The following NOVA1 variants were observed in gnomAD, a reference collection of about 807,000 sequenced individuals.
NOVA1 encodes the protein NOVA alternative splicing regulator 1, also known as RNA-binding protein Nova-1.
NOVA1 carries 7 observed loss-of-function variants against 38.0 expected under a neutral mutation model. The ratio of observed to expected loss-of-function variants is 0.18; its 90% CI spans 0.10 to 0.35. The LOEUF (loss-of-function observed/expected upper bound fraction) is 0.35, where lower values mean the gene tolerates loss of function less well. Ranked by LOEUF, NOVA1 falls within the 10% of genes least tolerant of loss-of-function variation. NOVA1 has a pLI of 1.00. For synonymous variants in NOVA1, 270 were observed against 232.5 expected (o/e 1.16, Z -1.47); for missense variants, 460 against 616.0 (o/e 0.75, Z 2.68).
chr14:26,459,968 T>C (rs1032661917), intron 4 of NOVA1, among the ~76,000 whole-genome samples: 4 of 152,038 alleles, frequency 2.6e-5, no homozygotes, highest in Non-Finnish European at 4.4e-5. Flanking sequence ...TTTGAAATGA[T>C]TTATTAAATT....
At chr14:26,569,656 A>G (rs1892349309) in intron 2 of NOVA1, among the ~76,000 whole-genome samples, 1 of 152,170 alleles carries the variant, frequency 6.6e-6, no homozygotes, top group South Asian at 2.1e-4. Flanking sequence ...TATATATACA[A>G]TTTATCAAAA....
intron 2 of NOVA1, among the ~76,000 whole-genome samples, chr14:26,504,231 T>C (rs1000571200): frequency 2.6e-5 from 4 of 152,182 alleles, no homozygotes; most frequent in African/African-American, 7.2e-5. Flanking sequence ...AACTTTACTA[T>C]GTAGCGTACA....
At chr14:26,489,548 T>C (rs886868755) in intron 2 of NOVA1, among the ~76,000 whole-genome samples, 20 of 151,808 alleles carry the variant, frequency 1.3e-4, no homozygotes, top group African/African-American at 4.3e-4. Flanking sequence ...TAATTTTTTA[T>C]AGTTTTAGGA....
At chr14:26,520,322 G>T (rs1329111841) in intron 2 of NOVA1, among the ~76,000 whole-genome samples, 1 of 152,160 alleles carries the variant, frequency 6.6e-6, no homozygotes, top group Non-Finnish European at 1.5e-5. Flanking sequence ...CCCCAGGGTG[G>T]ACTGGGGGAC....
At chr14:26,489,105 C>A (rs1313459380) in intron 2 of NOVA1, among the ~76,000 whole-genome samples, 1 of 151,876 alleles carries the variant, frequency 6.6e-6, no homozygotes, top group Non-Finnish European at 1.5e-5. Flanking sequence ...GAGATGAGAG[C>A]AAGAAAATTA....
At chr14:26,562,734 G>A (rs1891901006) in intron 2 of NOVA1, among the ~76,000 whole-genome samples, 1 of 152,128 alleles carries the variant, frequency 6.6e-6, no homozygotes, top group Non-Finnish European at 1.5e-5. Flanking sequence ...TGAATACTGA[G>A]GGAACTCTAA....
At chr14:26,486,537 G>A (rs1356302652) in intron 2 of NOVA1, among the ~76,000 whole-genome samples, 7 of 151,140 alleles carry the variant, frequency 4.6e-5, no homozygotes, top group Non-Finnish European at 8.9e-5. Flanking sequence ...GTGAAACCCC[G>A]TCTCCACTAA....
At chr14:26,472,694 C>T (rs1012690103) in intron 3 of NOVA1, among the ~76,000 whole-genome samples, 2 of 151,532 alleles carry the variant, frequency 1.3e-5, no homozygotes, top group African/African-American at 4.9e-5. Context: ...TCATTTCTTT[C>T]CCTCTTGTTT....
chr14:26,511,353 T>C (rs951555076), intron 2 of NOVA1, among the ~76,000 whole-genome samples: 1 of 152,246 alleles, frequency 6.6e-6, no homozygotes, highest in African/African-American at 2.4e-5. Context: ...ATTTTTCATA[T>C]TAACCTAAAA....
Position 26,446,505 on chromosome 14 carries a change from T to C in NOVA1, c.*1454A>G, listed in dbSNP as rs187430450. 1 of 152,848 alleles carries C rather than the reference T, an allele frequency of 6.5e-6. No individual in the cohort carries two copies. The highest frequency in any genetic ancestry group is 6.5e-5 in the Admixed American group (1 of 15,308). 9.5% of individuals were successfully genotyped at this position (152,848 alleles called of 1,614,324 possible). A position where few individuals can be genotyped will look rare whatever the true frequency, so the allele number is the denominator to read the frequency against. ...AGATGGAAGTAATTCTCTTTTGTAA[T>C]TCAGTTGCTCAGCCAGATGATCCAG... On this transcript the variant is annotated 3_prime_UTR_variant, in exon 5 of 5. Transcript: ENST00000539517.
intron 4 of NOVA1, among the ~76,000 whole-genome samples, chr14:26,458,776 CA>C (rs1266371687): frequency 2.0e-5 from 3 of 151,774 alleles, no homozygotes; most frequent in Non-Finnish European, 2.9e-5. Context: ...ATTACCCATG[CA>C]AAAAACCTGT....
intron 2 of NOVA1, among the ~76,000 whole-genome samples, chr14:26,581,557 C>CTA (rs761381244): frequency 1.1e-4 from 16 of 151,810 alleles, no homozygotes; most frequent in Non-Finnish European, 2.1e-4. Flanking sequence ...TATCAAGGTT[C>CTA]TATATATATA....
intron 2 of NOVA1, among the ~76,000 whole-genome samples, chr14:26,537,245 G>A (rs1890164045): frequency 6.6e-6 from 1 of 151,638 alleles, no homozygotes; most frequent in African/African-American, 2.4e-5. Flanking sequence ...ATTTAAACAT[G>A]CACATGGTAA....
intron 2 of NOVA1, among the ~76,000 whole-genome samples, chr14:26,582,190 A>G (rs191865241): frequency 1.4e-4 from 22 of 151,884 alleles, no homozygotes; most frequent in Admixed American, 1.4e-3. Context: ...CCAAACCCGA[A>G]ATTGTACTTA....
intron 2 of NOVA1, among the ~76,000 whole-genome samples, chr14:26,579,364 T>C (rs920580722): frequency 4.5e-4 from 68 of 152,288 alleles, no homozygotes; most frequent in Non-Finnish European, 8.8e-5. Context: ...CATCGTATTC[T>C]TATATATTCA....
intron 2 of NOVA1, among the ~76,000 whole-genome samples, chr14:26,540,731 A>T (rs1890415805): frequency 6.6e-6 from 1 of 152,194 alleles, no homozygotes; most frequent in African/African-American, 2.4e-5. Flanking sequence ...TGTGGCACTG[A>T]TCTGACTTTC....
chr14:26,507,157 C>T (rs939920121), intron 2 of NOVA1, among the ~76,000 whole-genome samples: 3 of 152,014 alleles, frequency 2.0e-5, no homozygotes, highest in Admixed American at 2.0e-4. Context: ...AACAAACAAG[C>T]ACTTAGCACA....
chr14:26,566,637 T>C (rs1892150734), intron 2 of NOVA1, among the ~76,000 whole-genome samples: 1 of 152,078 alleles, frequency 6.6e-6, no homozygotes, highest in African/African-American at 2.4e-5. Context: ...TCCCATAATA[T>C]GGCCAAGGCT....
chr14:26,473,000 A>G (rs966143990), intron 3 of NOVA1, among the ~76,000 whole-genome samples: 1 of 152,022 alleles, frequency 6.6e-6, no homozygotes, highest in South Asian at 2.1e-4. Context: ...CCGTCTGAAA[A>G]TGTAAACATT....
Sources: allele counts gnomAD v4.1 joint callset (sites outside exome capture counted in the v4.1 genomes callset), GRCh38; gene constraint gnomAD v4.1.1; transcripts MANE v1.5; gene names NCBI Gene and HGNC (gene_info 2026-07-23, HGNC 2026-07-21).